Variants in ANK3 observed in about 807,000 individuals in gnomAD.
ANK3 encodes the protein ankyrin 3, also known as ankyrin-3.
A neutral mutation model predicts 370.9 loss-of-function variants in ANK3; 57 were observed. That is an observed-to-expected ratio of 0.15 (90% confidence interval 0.12 to 0.19). The LOEUF (loss-of-function observed/expected upper bound fraction) is 0.19, where lower values mean the gene tolerates loss of function less well. Among genes scored for constraint, ANK3 ranks in the 10% least tolerant of loss-of-function variants. The pLI is 1.00. For synonymous variants in ANK3, 1,929 were observed against 1,946.3 expected (o/e 0.99, Z 0.23); for missense variants, 4,439 against 5,302.1 (o/e 0.84, Z 5.06).
At chr10:60,419,641 T>G (rs952958789) in intron 2 of ANK3, among the ~76,000 whole-genome samples, 1 of 152,180 alleles carries the variant, frequency 6.6e-6, no homozygotes, top group Admixed American at 6.5e-5. Context: ...CTTGGCCTGT[T>G]ACATTCAGGA....
chr10:60,535,544 T>C (rs544249298), intron 2 of ANK3, among the ~76,000 whole-genome samples: 10 of 152,182 alleles, frequency 6.6e-5, no homozygotes, highest in Admixed American at 3.3e-4. Context: ...AAGAAAATTA[T>C]GTACCCTCCA....
intron 1 of ANK3, among the ~76,000 whole-genome samples, chr10:60,341,659 G>C (rs762924242): frequency 1.1e-4 from 16 of 152,160 alleles, no homozygotes; most frequent in Non-Finnish European, 1.8e-4. Context: ...TAAGGGTAGA[G>C]ATCGTGCCTG....
At chr10:60,051,199 C>A (rs1337348768) in intron 42 of ANK3, among the ~76,000 whole-genome samples, 1 of 152,166 alleles carries the variant, frequency 6.6e-6, no homozygotes, top group East Asian at 1.9e-4. Flanking sequence ...CATAACACTT[C>A]TTCAAGGAAA....
chr10:60,372,771 GC>G (rs2060276483), intron 1 of ANK3, among the ~76,000 whole-genome samples: 1 of 152,066 alleles, frequency 6.6e-6, no homozygotes, highest in African/African-American at 2.4e-5. Flanking sequence ...ATACAACTCT[GC>G]CCTTCGAAAC....
intron 40 of ANK3, 120 bp from the exon 41 acceptor site, chr10:60,059,550 G>C: frequency 4.1e-6 from 5 of 1,228,120 alleles, no homozygotes; most frequent in Non-Finnish European, 4.7e-6. Context: ...CTCAAATAGA[G>C]ATTTGAGTTT....
intron 2 of ANK3, among the ~76,000 whole-genome samples, chr10:60,466,318 T>C (rs1031541419): frequency 1.3e-5 from 2 of 152,122 alleles, no homozygotes; most frequent in Non-Finnish European, 2.9e-5. Context: ...GTGTTTCTAA[T>C]AATGACAAGG....
intron 14 of ANK3, among the ~76,000 whole-genome samples, chr10:60,197,057 G>A (rs1274689473): frequency 6.6e-6 from 1 of 151,970 alleles, no homozygotes; most frequent in Non-Finnish European, 1.5e-5. Flanking sequence ...GAAAATCCAG[G>A]GCAAGTCTGA....
At chr10:60,066,724 G>A (rs1050614716) in intron 38 of ANK3, among the ~76,000 whole-genome samples, 1 of 152,034 alleles carries the variant, frequency 6.6e-6, no homozygotes, top group African/African-American at 2.4e-5. Context: ...TGTTGCTAAT[G>A]GTATGCAGGA....
At position 60,200,116 on chromosome 10, in the gene ANK3, G is replaced by A. The variant is rs1019983103; in HGVS notation, c.1491+13C>T. ...TTCCTCAATTTCAAACACTTGTCAA[G>A]TATTGCGCATACCTTAGCTTTAGCT... On this transcript the variant is annotated intron_variant, in intron 13 of 43. Transcript: ENST00000280772. 1 of 1,605,160 alleles carries A rather than the reference G, an allele frequency of 6.2e-7. No homozygotes were observed. The highest frequency in any genetic ancestry group is 1.3e-5 in the African/African-American group (1 of 74,706).
chr10:60,265,349 A>G (rs1366818920), intron 5 of ANK3, among the ~76,000 whole-genome samples: 1 of 152,208 alleles, frequency 6.6e-6, no homozygotes, highest in Non-Finnish European at 1.5e-5. Flanking sequence ...AAATTCAGAC[A>G]TAAGTGCACA....
At chr10:60,062,901 T>G in intron 40 of ANK3, 1 of 394,872 alleles carries the variant, frequency 2.5e-6, no homozygotes. Flanking sequence ...TACGTCATGA[T>G]TTATATTGTA....
At chr10:60,165,984 C>G (rs1338207823) in intron 23 of ANK3, among the ~76,000 whole-genome samples, 1 of 152,084 alleles carries the variant, frequency 6.6e-6, no homozygotes, top group African/African-American at 2.4e-5. Context: ...TATATCATGA[C>G]CTGGTCAAAG....
chr10:60,151,413 G>A (rs553456156), intron 23 of ANK3, among the ~76,000 whole-genome samples: 1 of 151,706 alleles, frequency 6.6e-6, no homozygotes, highest in South Asian at 2.1e-4. Context: ...GCCTGGCTTA[G>A]TTAGGCTTTT....
rs763836285 is a variant in ANK3 at position 60,279,548 on chromosome 10, A to G, written c.206T>C (p.Ile69Thr). The change falls in exon 2 of 44, where the codon ATT (isoleucine) becomes ACT (threonine). Residue 69 changes from isoleucine to threonine, a missense_variant. Ile to Thr is a moderately conservative substitution (Grantham distance 89, BLOSUM62 -1). This residue lies in a region of ANK3 where 136 missense variants were observed against 230.5 expected (regional missense o/e 0.59). Transcript: ENST00000280772. ...DYIKNGVDIN[I>T]CNQNGLNALH... ...ATAACTCCAGCTAACCTGATTGCAA[A>G]TGTTGATGTCAACTCCATTTTTTAT... 1 of 1,608,596 alleles carries G rather than the reference A, an allele frequency of 6.2e-7. No individual in the cohort carries two copies. The highest frequency in any genetic ancestry group is 1.7e-5 in the Admixed American group (1 of 58,422).
At chr10:60,694,124 C>A (rs1341695082) in intron 1 of ANK3, among the ~76,000 whole-genome samples, 6 of 151,932 alleles carry the variant, frequency 3.9e-5, no homozygotes, top group Admixed American at 2.0e-4. Context: ...GGAGCCGATG[C>A]GATCAACTGG....
chr10:60,262,822 G>A (rs980856608), intron 6 of ANK3, among the ~76,000 whole-genome samples: 3 of 152,152 alleles, frequency 2.0e-5, no homozygotes, highest in African/African-American at 7.2e-5. Flanking sequence ...AGATATAGCT[G>A]ATAAACATCT....
chr10:60,230,582 G>A (rs2097224248), intron 8 of ANK3, among the ~76,000 whole-genome samples: 1 of 152,098 alleles, frequency 6.6e-6, no homozygotes, highest in Admixed American at 6.5e-5. Context: ...CCTGAAATGA[G>A]GTAAATAGAA....
In ANK3 at chr10:60,541,017, GA is replaced by G. The variant is rs1332930221; in HGVS notation, c.96+74168del. ...AAAGGCAACTGGTTTACTAAACTAT[GA>G]TATAGTCATAATGGAACATCAAATA... is the stretch of plus-strand genomic sequence containing the variant. On this transcript the variant is annotated intron_variant, in intron 2 of 43. Transcript: ENST00000373827. Among the ~76,000 whole-genome samples, 7 of 151,714 alleles carry G rather than the reference GA, an allele frequency of 4.6e-5. No individual in the cohort carries two copies. In the East Asian group the frequency reaches 1.3e-3, roughly 29 times the overall value.
chr10:60,484,676 A>G (rs1299157231), intron 2 of ANK3, among the ~76,000 whole-genome samples: 2 of 152,192 alleles, frequency 1.3e-5, no homozygotes, highest in Non-Finnish European at 2.9e-5. Flanking sequence ...TTTTCTCCTG[A>G]TGATGGACTC....
Sources: gnomAD v4.1 joint callset for allele counts (sites outside exome capture counted in the v4.1 genomes callset) on GRCh38, gnomAD v4.1.1 for gene constraint, gnomAD v4.1.1 regional missense constraint, MANE v1.5 for transcripts, NCBI Gene and HGNC (gene_info 2026-07-23, HGNC 2026-07-21) for gene names.